MTAP: variants seen among roughly 807,000 people sequenced by gnomAD.
MTAP encodes S-methyl-5'-thioadenosine phosphorylase.
Under a neutral mutation model 33.6 loss-of-function variants are expected in MTAP, and 33 were observed. The ratio of observed to expected loss-of-function variants is 0.98; its 90% CI spans 0.74 to 1.31. The LOEUF is 1.31. MTAP is among the 40% of genes most tolerant of loss of function. MTAP has a pLI of 0.00. For missense variants in MTAP, 367 were observed against 360.0 expected (o/e 1.02, Z -0.16); for synonymous variants, 148 against 125.7 (o/e 1.18, Z -1.19).
rs1454519720 is a variant in MTAP at position 21,815,452 on chromosome 9, C to G, written c.53C>G (p.Thr18Arg). Residue 18 changes from threonine (T) to arginine (R), a missense_variant, in exon 2 of 8, where the codon ACA becomes AGA. Thr to Arg is a moderately conservative substitution (Grantham distance 71). Coordinates refer to ENST00000644715, the MANE Select transcript of MTAP (RefSeq NM_002451.4). ...TCTTAGATTGGAATAATTGGTGGAA[C>G]AGGCCTGGATGATCCAGAAATTTTA... ...TAVKIGIIGG[T>R]GLDDPEILEG... The G allele has an allele frequency of 1.2e-6, 2 of 1,605,436 alleles. No individual in the cohort carries two copies. The highest frequency in any genetic ancestry group is 1.7e-5 in the Admixed American group (1 of 59,246).
chr9:21,839,118 G>T (rs1219880750), intron 5 of MTAP, among the ~76,000 whole-genome samples: 1 of 151,512 alleles, frequency 6.6e-6, no homozygotes, highest in African/African-American at 2.4e-5. Context: ...CCATTTCGGA[G>T]ATACCACTGC....
intron 1 of MTAP, among the ~76,000 whole-genome samples, chr9:21,920,252 T>A (rs989655305): frequency 1.3e-5 from 2 of 152,118 alleles, no homozygotes; most frequent in Admixed American, 1.3e-4. Context: ...AATTAGCCCA[T>A]GACCAGAGAG....
At chr9:21,918,827 A>G (rs1818737654) in intron 1 of MTAP, among the ~76,000 whole-genome samples, 1 of 151,898 alleles carries the variant, frequency 6.6e-6, no homozygotes, top group Non-Finnish European at 1.5e-5. Context: ...CATGATTGTG[A>G]GGCCTCTTCA....
At chr9:21,928,292 C>G (rs531774658) in intron 1 of MTAP, among the ~76,000 whole-genome samples, 1 of 152,248 alleles carries the variant, frequency 6.6e-6, no homozygotes, top group Admixed American at 6.5e-5. Context: ...AAGGGACTAA[C>G]CAAAATTATT....
chr9:21,851,886 A>G (rs1324306815), intron 5 of MTAP, among the ~76,000 whole-genome samples: 1 of 152,130 alleles, frequency 6.6e-6, no homozygotes, highest in East Asian at 1.9e-4. Context: ...CTGCCCTCCA[A>G]CATCAAACTC....
intron 5 of MTAP, among the ~76,000 whole-genome samples, chr9:21,852,524 A>AAC (rs948198005): frequency 8.6e-5 from 13 of 151,728 alleles, no homozygotes; most frequent in Non-Finnish European, 1.8e-4. Context: ...AAAAAAAAAA[A>AAC]AATGATGTAA....
chr9:21,919,904 A>G (rs933437951), intron 1 of MTAP, among the ~76,000 whole-genome samples: 1 of 152,188 alleles, frequency 6.6e-6, no homozygotes, highest in African/African-American at 2.4e-5. Context: ...ACGTAAACAC[A>G]CTCTTTGAGG....
downstream of MTAP, among the ~76,000 whole-genome samples, chr9:21,869,608 C>G (rs1310329877): frequency 6.6e-6 from 1 of 152,178 alleles, no homozygotes; most frequent in Non-Finnish European, 1.5e-5. Flanking sequence ...CCATCCCAGT[C>G]TAGCAGTTCC....
intron 1 of MTAP, among the ~76,000 whole-genome samples, chr9:21,908,729 T>C (rs1466046210): frequency 1.3e-5 from 2 of 152,092 alleles, no homozygotes; most frequent in Non-Finnish European, 2.9e-5. Context: ...TACAGGTTAC[T>C]TGAATATTTT....
chr9:21,842,782 C>CA (rs1329317861), intron 5 of MTAP, among the ~76,000 whole-genome samples: 2 of 152,176 alleles, frequency 1.3e-5, no homozygotes, highest in African/African-American at 4.8e-5. Flanking sequence ...AACAAAACCT[C>CA]AAAATACACC....
chr9:21,823,694 T>C (rs1171708266), intron 4 of MTAP, among the ~76,000 whole-genome samples: 1 of 152,242 alleles, frequency 6.6e-6, no homozygotes, highest in African/African-American at 2.4e-5. Context: ...CTGGATAATA[T>C]CCTGCAGACT....
At chr9:21,859,225 C>A in intron 6 of MTAP, 78 bp from the exon 7 acceptor site, 1 of 1,535,566 alleles carries the variant, frequency 6.5e-7, no homozygotes, top group Non-Finnish European at 8.7e-7. Flanking sequence ...TGTAGCAAGG[C>A]TGGAGCTCAG....
At position 21,865,843 on chromosome 9, in the gene MTAP, T is replaced by A. The variant is rs6475592; in HGVS notation, c.*3829T>A. ...GTTGCATGCATCTGTAGCTTGTGCC[T>A]TTTTTATTGCCTAGTAGTATTCTGT... On this transcript the variant is annotated 3_prime_UTR_variant, in exon 8 of 8. Transcript: ENST00000644715. 1.1e-6 allele frequency: 1 copy of A among 949,668 alleles called. No individual in the cohort carries two copies. Among genetic ancestry groups the A allele is most frequent in the Non-Finnish European group, 1.3e-6 (1 of 795,088 alleles). The allele number at this position is 949,668 out of a possible 1,614,324, so 58.8% of individuals were successfully genotyped here.
At chr9:21,939,765 C>T (rs1049488470), downstream of MTAP, among the ~76,000 whole-genome samples, 3 of 152,000 alleles carry the variant, frequency 2.0e-5, no homozygotes, top group African/African-American at 7.2e-5. Context: ...CGCTTGTAAT[C>T]CCAGCTACTC....
intron 1 of MTAP, among the ~76,000 whole-genome samples, chr9:21,902,616 A>G (rs746482247): frequency 9.9e-5 from 15 of 152,202 alleles, no homozygotes; most frequent in Non-Finnish European, 2.1e-4. Flanking sequence ...TCCCTTATGA[A>G]CTTTCTGACC....
intron 4 of MTAP, among the ~76,000 whole-genome samples, chr9:21,828,783 A>G (rs991857524): frequency 2.0e-5 from 3 of 152,242 alleles, no homozygotes; most frequent in Non-Finnish European, 2.9e-5. Context: ...AGGTTAGACA[A>G]GATTTTAAAG....
chr9:21,940,729 G>T (rs1819124467), downstream of MTAP, among the ~76,000 whole-genome samples: 1 of 152,148 alleles, frequency 6.6e-6, no homozygotes, highest in African/African-American at 2.4e-5. Context: ...AGGTATGGGG[G>T]CTCTTTCTTC....
intron 1 of MTAP, among the ~76,000 whole-genome samples, chr9:21,891,831 C>T (rs1198028432): frequency 6.6e-6 from 1 of 152,112 alleles, no homozygotes; most frequent in African/African-American, 2.4e-5. Context: ...TTATCAGATT[C>T]TCCAGCGTCA....
intron 1 of MTAP, among the ~76,000 whole-genome samples, chr9:21,884,144 A>G (rs960801155): frequency 1.1e-4 from 16 of 152,300 alleles, no homozygotes; most frequent in African/African-American, 3.6e-4. Flanking sequence ...AGAGAATTCT[A>G]TTATTAGTTG....
Sources: allele counts gnomAD v4.1 joint callset (sites outside exome capture counted in the v4.1 genomes callset), GRCh38; gene constraint gnomAD v4.1.1; transcripts MANE v1.5; gene names NCBI Gene and HGNC (gene_info 2026-07-23, HGNC 2026-07-21).